The following ZNF532 variants were observed in gnomAD, a reference collection of about 807,000 sequenced individuals.
ZNF532 encodes zinc finger protein 532.
Under a neutral mutation model 89.3 loss-of-function variants are expected in ZNF532, and 22 were observed. That is an observed-to-expected ratio of 0.25 (90% confidence interval 0.18 to 0.35). ZNF532 has a LOEUF of 0.35. ZNF532 is among the 10% of genes least tolerant of loss of function. ZNF532 has a pLI of 1.00. For synonymous variants in ZNF532, 606 were observed against 649.6 expected (o/e 0.93, Z 1.02); for missense variants, 1,132 against 1,643.4 (o/e 0.69, Z 5.38).
intron 2 of ZNF532, among the ~76,000 whole-genome samples, chr18:58,889,784 C>CA (rs1210071335): frequency 7.1e-6 from 1 of 141,372 alleles, no homozygotes; most frequent in East Asian, 2.2e-4. Flanking sequence ...AAACAAAAAA[C>CA]AAAAAAACCC....
chr18:58,975,722 A>G (rs2066976972), intron 7 of ZNF532, among the ~76,000 whole-genome samples: 2 of 152,194 alleles, frequency 1.3e-5, no homozygotes, highest in South Asian at 4.1e-4. Context: ...GTTTATTTTG[A>G]TATTTTACTC....
At chr18:58,967,603 G>A (rs1269426713) in intron 7 of ZNF532, among the ~76,000 whole-genome samples, 1 of 151,594 alleles carries the variant, frequency 6.6e-6, no homozygotes. Context: ...TTCTGCTGTT[G>A]TTCAACAGAT....
chr18:58,974,182 T>TTAAACAATATGAAGGAATATAGTGAAG (rs1422975481), intron 7 of ZNF532, among the ~76,000 whole-genome samples: 1 of 152,182 alleles, frequency 6.6e-6, no homozygotes, highest in Non-Finnish European at 1.5e-5. Context: ...GTTTAAAAAT[T>TTAAACAATATGAAGGAATATAGTGAAG]TAAACAATAT....
intron 2 of ZNF532, among the ~76,000 whole-genome samples, chr18:58,898,779 G>C (rs894726053): frequency 3.9e-5 from 6 of 152,206 alleles, no homozygotes; most frequent in Non-Finnish European, 1.5e-5. Context: ...GGGGAAATCA[G>C]GGAGCCTGTC....
intron 7 of ZNF532, 77 bp from the exon 8 acceptor site, chr18:58,978,974 TAAAC>T: frequency 1.7e-6 from 2 of 1,147,978 alleles, no homozygotes; most frequent in Non-Finnish European, 2.6e-6. Flanking sequence ...TGATTTAACT[TAAAC>T]TATTACAAAA....
At chr18:58,924,525 G>T (rs1422117614) in intron 3 of ZNF532, among the ~76,000 whole-genome samples, 1 of 152,176 alleles carries the variant, frequency 6.6e-6, no homozygotes. Context: ...TCAGCTCCTT[G>T]GTTTACTGGG....
chr18:58,918,297 G>C lies in ZNF532; in HGVS notation c.10G>C (p.Gly4Arg). ...ACATCTGCTCAAATTAATGACCATGGGGGATATGAAGACCCCAGACTTTGA... is the reference window on the plus strand; with the variant it reads ...ACATCTGCTCAAATTAATGACCATGCGGGATATGAAGACCCCAGACTTTGA... MTM[G>R]DMKTPDFDDL... Residue 4 changes from glycine (G) to arginine (R), a missense_variant, in exon 3 of 10, where the codon GGG (glycine) becomes CGG (arginine). Around this residue, in one of 9 missense-constraint regions of ZNF532, gnomAD observed 15 missense variants for 43.6 expected, o/e 0.34. Transcript: ENST00000591808. 2 of 1,613,224 alleles carry C rather than the reference G, an allele frequency of 1.2e-6. No individual in the cohort carries two copies. The highest frequency in any genetic ancestry group is 1.7e-6 in the Non-Finnish European group (2 of 1,179,456).
chr18:58,970,228 A>T (rs2066339133), intron 7 of ZNF532, among the ~76,000 whole-genome samples: 1 of 152,158 alleles, frequency 6.6e-6, no homozygotes, highest in South Asian at 2.1e-4. Flanking sequence ...CGGGGAAAAA[A>T]ATCTTTCACA....
intron 7 of ZNF532, chr18:58,964,295 C>T: frequency 6.6e-6 from 1 of 152,042 alleles, no homozygotes; most frequent in Non-Finnish European, 1.5e-5. Flanking sequence ...TCTTTTTTGG[C>T]TTAGAACTTA....
chr18:58,976,273 G>T lies in ZNF532; in HGVS notation c.3151-2782G>T, dbSNP rs941706907. ...AACAGAAGGATGTCTCTCTCACATT[G>T]ATTGATCTTTTGAAAATAGTTACTG... On this transcript the variant is annotated intron_variant, in intron 7 of 9. Coordinates refer to ENST00000591808, the MANE Select transcript of ZNF532 (RefSeq NM_001375912.1). Among the ~76,000 whole-genome samples, 9 of 152,100 alleles carry T rather than the reference G, an allele frequency of 5.9e-5. No individual in the cohort carries two copies. The South Asian group carries it at 1.9e-3, about 32-fold the overall frequency.
At chr18:58,954,826 C>T (rs766322368) in intron 7 of ZNF532, among the ~76,000 whole-genome samples, 22 of 151,058 alleles carry the variant, frequency 1.5e-4, no homozygotes, top group Admixed American at 4.0e-4. Flanking sequence ...AATTCTCATG[C>T]GTCAGTCTCC....
intron 3 of ZNF532, among the ~76,000 whole-genome samples, chr18:58,928,850 A>G (rs988291517): frequency 6.6e-6 from 1 of 152,214 alleles, no homozygotes; most frequent in Non-Finnish European, 1.5e-5. Flanking sequence ...CCTTTTCTCC[A>G]TGAAGTATTT....
intron 6 of ZNF532, among the ~76,000 whole-genome samples, chr18:58,949,112 G>A (rs1040299681): frequency 3.3e-5 from 5 of 151,828 alleles, no homozygotes; most frequent in African/African-American, 9.7e-5. Context: ...GCACCTGGTG[G>A]TGTTCAGTTA....
At chr18:58,940,007 C>CT (rs1309019377) in intron 5 of ZNF532, 1 of 157,976 alleles carries the variant, frequency 6.3e-6, no homozygotes, top group African/African-American at 2.4e-5. Flanking sequence ...GATTCTCCTG[C>CT]TTCAGCCTCC....
chr18:58,870,072 G>GTTTTT (rs764095848), intron 2 of ZNF532, among the ~76,000 whole-genome samples: 1 of 112,786 alleles, frequency 8.9e-6, no homozygotes, highest in African/African-American at 3.3e-5. Flanking sequence ...AGCCCAGGTT[G>GTTTTT]TTTTTTTTTT....
chr18:58,969,528 C>A (rs891125008), intron 7 of ZNF532, among the ~76,000 whole-genome samples: 14 of 152,314 alleles, frequency 9.2e-5, no homozygotes, highest in South Asian at 2.1e-4. Context: ...CACTTGTGCA[C>A]TGCCCTTTTT....
At chr18:58,891,645 T>C (rs1265661430) in intron 2 of ZNF532, among the ~76,000 whole-genome samples, 1 of 152,248 alleles carries the variant, frequency 6.6e-6, no homozygotes, top group Non-Finnish European at 1.5e-5. Context: ...AGTGTTGGTC[T>C]GTGTTCTTGC....
intron 7 of ZNF532, among the ~76,000 whole-genome samples, chr18:58,961,526 C>T (rs978457387): frequency 2.6e-5 from 4 of 152,178 alleles, no homozygotes; most frequent in Non-Finnish European, 5.9e-5. Flanking sequence ...ATGCACAACA[C>T]GAGTCATTGC....
chr18:58,905,406 T>TC (rs1336930137), intron 2 of ZNF532, among the ~76,000 whole-genome samples: 3 of 150,214 alleles, frequency 2.0e-5, no homozygotes, highest in African/African-American at 4.9e-5. Flanking sequence ...TTTCTTTCTT[T>TC]TTTTTTTTTT....
Sources: gnomAD v4.1 joint callset for allele counts (sites outside exome capture counted in the v4.1 genomes callset) on GRCh38, gnomAD v4.1.1 for gene constraint, gnomAD v4.1.1 regional missense constraint, MANE v1.5 for transcripts, NCBI Gene and HGNC (gene_info 2026-07-23, HGNC 2026-07-21) for gene names.